The following XKR4 variants were observed in gnomAD, a reference collection of about 807,000 sequenced individuals.
XKR4 encodes XK related 4.
Under a neutral mutation model 53.9 loss-of-function variants are expected in XKR4, and 12 were observed. The ratio of observed to expected loss-of-function variants is 0.22; its 90% CI spans 0.14 to 0.36. The LOEUF is 0.36. XKR4 is among the 10% of genes least tolerant of loss of function. The pLI is 1.00. For missense variants in XKR4, 799 were observed against 859.5 expected, an observed-to-expected ratio of 0.93 and a Z score of 0.88; for synonymous variants, 354 against 362.4, an observed-to-expected ratio of 0.98 and a Z score of 0.26.
intron 2 of XKR4, among the ~76,000 whole-genome samples, chr8:55,433,586 C>A (rs1451729953): frequency 6.6e-6 from 1 of 152,194 alleles, no homozygotes. Flanking sequence ...GGCATTGTCA[C>A]CTCTTCAAAG....
At chr8:55,486,753 T>C (rs1806196526) in intron 2 of XKR4, among the ~76,000 whole-genome samples, 1 of 152,212 alleles carries the variant, frequency 6.6e-6, no homozygotes, top group Admixed American at 6.5e-5. Flanking sequence ...GCTCAGCAAT[T>C]AAGCAATTTT....
At chr8:55,303,749 T>C (rs1470883414) in intron 1 of XKR4, among the ~76,000 whole-genome samples, 1 of 152,236 alleles carries the variant, frequency 6.6e-6, no homozygotes, top group Non-Finnish European at 1.5e-5. Flanking sequence ...TCGAGGAATT[T>C]ATCCATTTCT....
At chr8:55,273,965 G>A (rs140044621) in intron 1 of XKR4, among the ~76,000 whole-genome samples, 75 of 152,262 alleles carry the variant, frequency 4.9e-4, no homozygotes, top group African/African-American at 1.7e-3. Flanking sequence ...TAGATATGAA[G>A]CCTTCTGATT....
At chr8:55,115,892 C>T (rs1160360001) in intron 1 of XKR4, among the ~76,000 whole-genome samples, 1 of 152,156 alleles carries the variant, frequency 6.6e-6, no homozygotes, top group Non-Finnish European at 1.5e-5. Flanking sequence ...GTACTCAGAC[C>T]TTATGTCATT....
chr8:55,371,850 C>A (rs1804073648), intron 2 of XKR4, among the ~76,000 whole-genome samples: 1 of 152,206 alleles, frequency 6.6e-6, no homozygotes, highest in Non-Finnish European at 1.5e-5. Context: ...GTATATCAAC[C>A]CCCAGCACAG....
Position 55,486,374 on chromosome 8 carries a change from T to A in XKR4, c.1007-36907T>A, listed in dbSNP as rs959050104. On this transcript the variant is annotated intron_variant, in intron 2 of 2. Coordinates refer to ENST00000327381, the MANE Select transcript of XKR4 (RefSeq NM_052898.2). ...CAACCACAGATGCACAAAAAGAAGA[T>A]CTCTACATTTATTGAGGAAGTTTTA... is the stretch of plus-strand genomic sequence containing the variant. Among the ~76,000 whole-genome samples the A allele has an allele frequency of 2.6e-5, 4 of 152,194 alleles. No individual in the cohort carries two copies. In the East Asian group the frequency reaches 7.7e-4, roughly 29 times the overall value.
chr8:55,452,071 G>T, intron 2 of XKR4: 1 of 705,186 alleles, frequency 1.4e-6, no homozygotes, highest in East Asian at 2.5e-5. Context: ...TTGGTGACTC[G>T]GGGTGGCTGG....
At chr8:55,497,264 C>T (rs1412244847) in intron 2 of XKR4, among the ~76,000 whole-genome samples, 2 of 152,252 alleles carry the variant, frequency 1.3e-5, no homozygotes, top group East Asian at 3.9e-4. Context: ...TGTATATGTG[C>T]TGATCAAAAT....
chr8:55,427,868 C>T (rs1419718890), intron 2 of XKR4, among the ~76,000 whole-genome samples: 1 of 152,162 alleles, frequency 6.6e-6, no homozygotes, highest in Non-Finnish European at 1.5e-5. Context: ...GCAGACACCA[C>T]TCTCTTATAG....
chr8:55,322,555 T>C (rs903953447), intron 1 of XKR4, among the ~76,000 whole-genome samples: 6 of 152,232 alleles, frequency 3.9e-5, no homozygotes, highest in Non-Finnish European at 5.9e-5. Flanking sequence ...TATTTTAAAA[T>C]TATTTTCCAA....
At chr8:55,442,624 A>C (rs530987497) in intron 2 of XKR4, among the ~76,000 whole-genome samples, 2 of 152,374 alleles carry the variant, frequency 1.3e-5, no homozygotes, top group East Asian at 3.9e-4. Flanking sequence ...ATAGCCATGC[A>C]ACAAAATATT....
chr8:55,484,072 A>G (rs1806156529), intron 2 of XKR4, among the ~76,000 whole-genome samples: 1 of 152,212 alleles, frequency 6.6e-6, no homozygotes, highest in South Asian at 2.1e-4. Flanking sequence ...CTACTCTCAT[A>G]AAGCACTTAG....
rs146147235 is a variant in XKR4, at chr8:55,467,082, A to T, written c.1007-56199A>T. Among the ~76,000 whole-genome samples the T allele has an allele frequency of 3.5e-4, 54 of 152,136 alleles. 1 individual carries two copies. The highest frequency in any genetic ancestry group is 3.5e-3 in the Admixed American group (53 of 15,292). On this transcript the variant is annotated intron_variant, in intron 2 of 2. Transcript: ENST00000327381. The stretch of plus-strand genomic sequence containing the variant: ...AGGTGTCAGCCAGGGCTGCAATCTC[A>T]TCTGGGCACAGGGTCCTTCCCAAGC...
At position 55,525,393 on chromosome 8, in the gene XKR4, C is replaced by A. The variant is rs548933686; in HGVS notation, c.*1166C>A. On this transcript the variant is annotated 3_prime_UTR_variant, in exon 3 of 3. Coordinates refer to ENST00000327381, the MANE Select transcript of XKR4 (RefSeq NM_052898.2). ...ACTTTTCCTCCCCCCAATCCAAGGT[C>A]AAAGTGATGTGTCTTTTAGAGGCTT... 6.5e-6 allele frequency: 1 copy of A among 152,764 alleles called. No individual in the cohort carries two copies. Among genetic ancestry groups the A allele is most frequent in the East Asian group, 1.9e-4 (1 of 5,186 alleles). 9.5% of individuals were successfully genotyped at this position (152,764 alleles called of 1,614,324 possible). A position where few individuals can be genotyped will look rare whatever the true frequency, so the allele number is the denominator to read the frequency against.
chr8:55,420,264 A>G (rs1804905663), intron 2 of XKR4, among the ~76,000 whole-genome samples: 1 of 152,212 alleles, frequency 6.6e-6, no homozygotes, highest in African/African-American at 2.4e-5. Flanking sequence ...ACAAATATCC[A>G]GAAAGATGTT....
intron 2 of XKR4, among the ~76,000 whole-genome samples, chr8:55,508,957 G>C (rs981302445): frequency 8.5e-5 from 13 of 152,158 alleles, no homozygotes; most frequent in Non-Finnish European, 1.8e-4. Flanking sequence ...ATATAAAACA[G>C]TTTTGAAGCC....
intron 1 of XKR4, among the ~76,000 whole-genome samples, chr8:55,145,468 G>A (rs1231884098): frequency 6.6e-6 from 1 of 151,872 alleles, no homozygotes; most frequent in Non-Finnish European, 1.5e-5. Context: ...GGATTGCAAT[G>A]TTTTAGATTC....
At chr8:55,453,362 A>T in intron 2 of XKR4, 1 of 464,032 alleles carries the variant, frequency 2.2e-6, no homozygotes, top group Non-Finnish European at 4.4e-6. Flanking sequence ...TTGCACATGC[A>T]GGTACAGTTC....
intron 2 of XKR4, among the ~76,000 whole-genome samples, chr8:55,403,313 C>T (rs1291292618): frequency 6.6e-6 from 1 of 152,158 alleles, no homozygotes; most frequent in South Asian, 2.1e-4. Flanking sequence ...CAGCCAATTA[C>T]TTGGGCTTTT....
Sources: gnomAD v4.1 joint callset for allele counts (sites outside exome capture counted in the v4.1 genomes callset) on GRCh38, gnomAD v4.1.1 for gene constraint, MANE v1.5 for transcripts, NCBI Gene and HGNC (gene_info 2026-07-23, HGNC 2026-07-21) for gene names.